Variants in LRRTM4 observed in about 807,000 individuals in gnomAD.
LRRTM4 encodes leucine rich repeat transmembrane neuronal 4.
Under a neutral mutation model 47.6 loss-of-function variants are expected in LRRTM4, and 25 were observed. The ratio of observed to expected loss-of-function variants is 0.53; its 90% CI spans 0.38 to 0.73. The LOEUF (loss-of-function observed/expected upper bound fraction) is 0.73, where lower values mean the gene tolerates loss of function less well. Among genes scored for constraint, LRRTM4 ranks in the 30% least tolerant of loss-of-function variants. LRRTM4 has a pLI of 0.00. For synonymous variants in LRRTM4, 311 were observed against 269.5 expected (o/e 1.15, Z -1.51); for missense variants, 638 against 713.4 (o/e 0.89, Z 1.20).
intron 3 of LRRTM4, among the ~76,000 whole-genome samples, chr2:77,010,501 T>TACACACACACACACACACACACAC (rs34456976): frequency 7.2e-6 from 1 of 139,836 alleles, no homozygotes; most frequent in Admixed American, 7.3e-5. Flanking sequence ...TTGTATTGTT[T>TACACACACACACACACACACACAC]ACACACACAC....
chr2:76,832,916 A>G (rs1671395188), intron 3 of LRRTM4, among the ~76,000 whole-genome samples: 1 of 152,126 alleles, frequency 6.6e-6, no homozygotes, highest in Non-Finnish European at 1.5e-5. Context: ...CAGGACCCAG[A>G]GGAATTATGC....
intron 3 of LRRTM4, among the ~76,000 whole-genome samples, chr2:76,797,055 A>G (rs1475925238): frequency 6.6e-6 from 1 of 152,278 alleles, no homozygotes; most frequent in Non-Finnish European, 1.5e-5. Context: ...GATATTATCC[A>G]GGAGAACTTC....
At chr2:76,984,847 C>T (rs759273318) in intron 3 of LRRTM4, among the ~76,000 whole-genome samples, 2 of 151,894 alleles carry the variant, frequency 1.3e-5, no homozygotes, top group Non-Finnish European at 2.9e-5. Context: ...CTCAAGTTAA[C>T]ATGATGAAAA....
intron 3 of LRRTM4, among the ~76,000 whole-genome samples, chr2:76,962,769 C>G (rs975485707): frequency 1.3e-5 from 2 of 150,494 alleles, no homozygotes; most frequent in Non-Finnish European, 3.0e-5. Context: ...AAAGAAATTT[C>G]AAAGGGTATT....
chr2:76,993,719 AG>A (rs1421752727), intron 3 of LRRTM4, among the ~76,000 whole-genome samples: 5 of 152,066 alleles, frequency 3.3e-5, no homozygotes, highest in African/African-American at 1.2e-4. Context: ...AAGTAAAAAT[AG>A]AACTACTATT....
chr2:77,219,682 A>C (rs1674562770), intron 3 of LRRTM4, among the ~76,000 whole-genome samples: 1 of 152,216 alleles, frequency 6.6e-6, no homozygotes, highest in Non-Finnish European at 1.5e-5. Context: ...GTTTGGCAGA[A>C]AAGAACCTGA....
At chr2:77,407,839 TAAC>T (rs1674274512) in intron 3 of LRRTM4, among the ~76,000 whole-genome samples, 1 of 150,446 alleles carries the variant, frequency 6.6e-6, no homozygotes, top group Non-Finnish European at 1.5e-5. Context: ...AACTGTCTGT[TAAC>T]AGTCTTGCTC....
At chr2:76,905,740 G>T (rs1573291429) in intron 3 of LRRTM4, among the ~76,000 whole-genome samples, 1 of 151,286 alleles carries the variant, frequency 6.6e-6, no homozygotes, top group South Asian at 2.1e-4. Context: ...GGAAGAAAGG[G>T]TATCAGTGAT....
chr2:76,889,252 T>C (rs189192252), intron 3 of LRRTM4, among the ~76,000 whole-genome samples: 117 of 152,096 alleles, frequency 7.7e-4, no homozygotes, highest in African/African-American at 2.6e-3. Flanking sequence ...GTTTTTATTT[T>C]AGTTTTGAAA....
intron 3 of LRRTM4, among the ~76,000 whole-genome samples, chr2:77,005,391 C>T (rs574898881): frequency 1.3e-5 from 2 of 152,170 alleles, no homozygotes; most frequent in Non-Finnish European, 2.9e-5. Context: ...AATCCACCTG[C>T]CTTGGCCTCC....
At chr2:76,817,979 G>A (rs1359154404) in intron 3 of LRRTM4, among the ~76,000 whole-genome samples, 2 of 151,896 alleles carry the variant, frequency 1.3e-5, no homozygotes, top group Admixed American at 6.6e-5. Flanking sequence ...GGGGTTTCAT[G>A]CTCTTTTAAA....
chr2:77,352,495 A>G (rs1214690122), intron 3 of LRRTM4, among the ~76,000 whole-genome samples: 1 of 152,130 alleles, frequency 6.6e-6, no homozygotes, highest in African/African-American at 2.4e-5. Context: ...CACCTTATTT[A>G]AAGTACTCAC....
intron 3 of LRRTM4, among the ~76,000 whole-genome samples, chr2:76,899,970 T>G (rs527451194): frequency 5.9e-5 from 9 of 152,186 alleles, no homozygotes; most frequent in African/African-American, 2.2e-4. Flanking sequence ...GGCTCACACC[T>G]GTAATCTCAG....
Position 76,807,463 on chromosome 2 carries a change from TATATATAC to T in LRRTM4, c.1552-58555_1552-58548del, listed in dbSNP as rs1558667613. 6.0e-3 allele frequency among the ~76,000 whole-genome samples: 597 copies of T among 99,442 alleles called. 11 individuals are homozygous for T. The highest frequency in any genetic ancestry group is 0.027 in the African/African-American group (505 of 18,978). The allele number at this position is 99,442 out of a possible 152,430, so 65.2% of individuals were successfully genotyped here. Reference sequence around the variant, plus strand: ...GTATATACATATATATATATACATATATATATACATATATATATATATACATATATATA... The same window carrying T: ...GTATATACATATATATATATACATATATATATATATATATACATATATATA... On this transcript the variant is annotated intron_variant, in intron 3 of 3. Transcript: ENST00000409884.
intron 3 of LRRTM4, among the ~76,000 whole-genome samples, chr2:77,040,252 A>G (rs950960877): frequency 2.0e-5 from 3 of 151,188 alleles, no homozygotes; most frequent in Non-Finnish European, 4.4e-5. Flanking sequence ...CTTATGTTCT[A>G]CAACATATAT....
intron 3 of LRRTM4, among the ~76,000 whole-genome samples, chr2:76,883,122 G>C (rs1672976789): frequency 6.6e-6 from 1 of 152,006 alleles, no homozygotes; most frequent in Non-Finnish European, 1.5e-5. Context: ...ATGTATCCAG[G>C]TCTGTGCTTC....
chr2:77,499,895 A>C (rs1372668406), intron 3 of LRRTM4, among the ~76,000 whole-genome samples: 1 of 151,814 alleles, frequency 6.6e-6, no homozygotes, highest in African/African-American at 2.4e-5. Flanking sequence ...ACTTTCCTAA[A>C]AATTTGCCCT....
intron 3 of LRRTM4, among the ~76,000 whole-genome samples, chr2:77,079,128 C>G (rs1473628577): frequency 6.6e-6 from 1 of 152,192 alleles, no homozygotes; most frequent in Admixed American, 6.5e-5. Flanking sequence ...AATACTGAGA[C>G]AATAGCAAAG....
intron 3 of LRRTM4, among the ~76,000 whole-genome samples, chr2:77,137,955 G>A (rs1252528715): frequency 2.0e-5 from 3 of 152,046 alleles, no homozygotes; most frequent in Non-Finnish European, 4.4e-5. Flanking sequence ...CCCAATACAG[G>A]AGCACCCAGA....
Sources: allele counts gnomAD v4.1 joint callset (sites outside exome capture counted in the v4.1 genomes callset), GRCh38; gene constraint gnomAD v4.1.1; transcripts MANE v1.5; gene names NCBI Gene and HGNC (gene_info 2026-07-23, HGNC 2026-07-21).